The following CTNNA2 variants were observed in gnomAD, a reference collection of about 807,000 sequenced individuals.
The protein encoded by CTNNA2 is catenin alpha-2.
Under a neutral mutation model 101.0 loss-of-function variants are expected in CTNNA2, and 42 were observed. The ratio of observed to expected loss-of-function variants is 0.42; its 90% CI spans 0.32 to 0.54. The LOEUF (loss-of-function observed/expected upper bound fraction) is 0.54, where lower values mean the gene tolerates loss of function less well. Among genes scored for constraint, CTNNA2 ranks in the 20% least tolerant of loss-of-function variants. The probability of loss-of-function intolerance (pLI) is 0.14; values close to 1 mark genes in which losing one functional copy is unlikely to be tolerated. For missense variants in CTNNA2, 871 were observed against 1,223.1 expected (o/e 0.71, Z 4.29); for synonymous variants, 450 against 456.4 (o/e 0.99, Z 0.18).
At chr2:80,033,101 AG>A (rs932873365) in intron 7 of CTNNA2, among the ~76,000 whole-genome samples, 46 of 146,676 alleles carry the variant, frequency 3.1e-4, no homozygotes, top group African/African-American at 1.1e-3. Context: ...CAGTGAGCTG[AG>A]ATCGCACCAT....
chr2:79,365,162 A>C (rs1197545447), intron 3 of CTNNA2, among the ~76,000 whole-genome samples: 1 of 152,244 alleles, frequency 6.6e-6, no homozygotes, highest in Non-Finnish European at 1.5e-5. Context: ...CTGTAGTCCC[A>C]GCTACTCAGG....
At chr2:80,342,469 T>G (rs1573776515) in intron 7 of CTNNA2, among the ~76,000 whole-genome samples, 1 of 152,228 alleles carries the variant, frequency 6.6e-6, no homozygotes, top group Non-Finnish European at 1.5e-5. Flanking sequence ...TGTCGTCAGA[T>G]TGGCTTTGCC....
chr2:79,323,276 A>G (rs1361113366), intron 3 of CTNNA2, among the ~76,000 whole-genome samples: 2 of 152,224 alleles, frequency 1.3e-5, no homozygotes, highest in Admixed American at 6.5e-5. Flanking sequence ...CTAAAGAGTC[A>G]AGAAATACTA....
In CTNNA2 at chr2:79,713,160, A is replaced by G. The variant is rs865977455; in HGVS notation, c.103-31227A>G. Among the ~76,000 whole-genome samples the G allele has an allele frequency of 8.0e-4, 122 of 152,352 alleles. 1 individual carries two copies. Among genetic ancestry groups the G allele is most frequent in the African/African-American group, 2.8e-3 (117 of 41,580 alleles). On this transcript the variant is annotated intron_variant, in intron 2 of 18. Coordinates refer to ENST00000402739, the MANE Select transcript of CTNNA2 (RefSeq NM_001282597.3). ...AATCATGCTATGCTTATTGAATATCATGGCAAAAATCATTGAATAAAATGT... is the reference window on the plus strand; with the variant it reads ...AATCATGCTATGCTTATTGAATATCGTGGCAAAAATCATTGAATAAAATGT...
intron 2 of CTNNA2, among the ~76,000 whole-genome samples, chr2:79,699,195 A>G: frequency 6.6e-6 from 1 of 152,126 alleles, no homozygotes; most frequent in East Asian, 1.9e-4. Flanking sequence ...AATCATAATG[A>G]ATAAAATTAT....
At chr2:80,133,819 C>T (rs1193489077) in intron 7 of CTNNA2, among the ~76,000 whole-genome samples, 1 of 151,856 alleles carries the variant, frequency 6.6e-6, no homozygotes, top group Non-Finnish European at 1.5e-5. Context: ...TACAAATGCT[C>T]ATTATAGAAA....
At chr2:80,200,181 A>T (rs367595788) in intron 7 of CTNNA2, among the ~76,000 whole-genome samples, 2 of 152,350 alleles carry the variant, frequency 1.3e-5, no homozygotes, top group Middle Eastern at 3.4e-3. Context: ...ATCAGCATTT[A>T]TTGAGTAATT....
At chr2:79,459,321 C>T (rs1030205947) in intron 4 of CTNNA2, among the ~76,000 whole-genome samples, 7 of 151,812 alleles carry the variant, frequency 4.6e-5, no homozygotes, top group African/African-American at 1.7e-4. Context: ...TTATTACGAA[C>T]ATACAGACAA....
intron 7 of CTNNA2, among the ~76,000 whole-genome samples, chr2:79,990,304 T>C (rs1410442941): frequency 6.6e-6 from 1 of 152,074 alleles, no homozygotes; most frequent in East Asian, 1.9e-4. Context: ...AATAGAATGA[T>C]TTTTGTGCAC....
chr2:80,302,632 G>T lies in CTNNA2; in HGVS notation c.1057-90579G>T. 1 of 1,606,752 alleles carries T rather than the reference G, an allele frequency of 6.2e-7. No homozygotes were observed. Among genetic ancestry groups the T allele is most frequent in the East Asian group, 2.2e-5 (1 of 44,800 alleles). On this transcript the variant is annotated intron_variant, in intron 7 of 18. Coordinates refer to ENST00000402739, the MANE Select transcript of CTNNA2 (RefSeq NM_001282597.3). The surrounding 1 kb of genome is among the most constrained non-coding windows in gnomAD (Gnocchi z 6.4). Reference sequence around the variant, plus strand: ...TGCCGTCGTGCTGCCCCTCCCCGCCGTCCGCGAGCGTGGTGGCCGAGCTGG... The same window carrying T: ...TGCCGTCGTGCTGCCCCTCCCCGCCTTCCGCGAGCGTGGTGGCCGAGCTGG...
intron 4 of CTNNA2, among the ~76,000 whole-genome samples, chr2:79,381,424 C>T (rs1332750234): frequency 6.6e-6 from 1 of 152,208 alleles, no homozygotes; most frequent in Non-Finnish European, 1.5e-5. Context: ...TTTTCACAGA[C>T]TTCACTGAAG....
chr2:80,141,199 G>T (rs775349574), intron 7 of CTNNA2, among the ~76,000 whole-genome samples: 1 of 152,014 alleles, frequency 6.6e-6, no homozygotes, highest in Non-Finnish European at 1.5e-5. Flanking sequence ...CTCAGGGATG[G>T]CTGTCTAGAG....
At chr2:79,457,249 G>C (rs903537911) in intron 4 of CTNNA2, among the ~76,000 whole-genome samples, 5 of 151,590 alleles carry the variant, frequency 3.3e-5, no homozygotes, top group Non-Finnish European at 4.4e-5. Flanking sequence ...TGTGTTCAGG[G>C]AAATATTTTG....
At chr2:80,099,860 A>T (rs1191850149) in intron 7 of CTNNA2, among the ~76,000 whole-genome samples, 1 of 152,140 alleles carries the variant, frequency 6.6e-6, no homozygotes, top group African/African-American at 2.4e-5. Flanking sequence ...GACAGTAAAA[A>T]ATCATATTAC....
chr2:80,603,721 G>A (rs1470886571), intron 15 of CTNNA2: 1 of 178,438 alleles, frequency 5.6e-6, no homozygotes, highest in African/African-American at 2.4e-5. Context: ...ACTTTGTAGA[G>A]TTGTTATAAA....
At chr2:79,210,115 T>TGTGTGTGTGTGTGTG (rs1572979854) in intron 2 of CTNNA2, among the ~76,000 whole-genome samples, 2 of 151,674 alleles carry the variant, frequency 1.3e-5, no homozygotes, top group Admixed American at 6.6e-5. Flanking sequence ...TGTGTGTGTG[T>TGTGTGTGTGTGTGTG]TTAAGCAGAA....
intron 2 of CTNNA2, among the ~76,000 whole-genome samples, chr2:79,203,249 T>A (rs1674060340): frequency 6.6e-6 from 1 of 152,180 alleles, no homozygotes; most frequent in Non-Finnish European, 1.5e-5. Context: ...ACTGTTTAAA[T>A]CTCACTCCAG....
chr2:80,367,410 G>T (rs1044736710), intron 7 of CTNNA2, among the ~76,000 whole-genome samples: 12 of 152,086 alleles, frequency 7.9e-5, no homozygotes, highest in African/African-American at 2.9e-4. Flanking sequence ...AGGGTTTGGG[G>T]TTATTGTGGA....
At chr2:79,531,313 T>C (rs769448937) in intron 1 of CTNNA2, among the ~76,000 whole-genome samples, 51 of 150,904 alleles carry the variant, frequency 3.4e-4, no homozygotes, top group Non-Finnish European at 4.7e-4. Context: ...AGCAAATCAA[T>C]TTATAAGCAT....
Sources: gnomAD v4.1 joint callset for allele counts (sites outside exome capture counted in the v4.1 genomes callset) on GRCh38, gnomAD v4.1.1 for gene constraint, Gnocchi (gnomAD v3.1) non-coding constraint, MANE v1.5 for transcripts, NCBI Gene and HGNC (gene_info 2026-07-23, HGNC 2026-07-21) for gene names.